The following IMPG1 variants were observed in gnomAD, a reference collection of about 807,000 sequenced individuals.
IMPG1 encodes the protein interphotoreceptor matrix proteoglycan 1.
Under a neutral mutation model 92.0 loss-of-function variants are expected in IMPG1, and 85 were observed. That is an observed-to-expected ratio of 0.92 (90% confidence interval 0.78 to 1.11). The LOEUF is 1.11. Ranked by LOEUF, IMPG1 falls within the 50% of genes least tolerant of loss-of-function variation. The pLI is 0.00. For synonymous variants in IMPG1, 367 were observed against 334.1 expected, an observed-to-expected ratio of 1.10 and a Z score of -1.08; for missense variants, 1,022 against 956.0, an observed-to-expected ratio of 1.07 and a Z score of -0.91.
intron 14 of IMPG1, among the ~76,000 whole-genome samples, chr6:75,940,437 G>A (rs758468588): frequency 1.3e-5 from 2 of 151,914 alleles, no homozygotes; most frequent in African/African-American, 2.4e-5. Context: ...ATTAATATAC[G>A]CACCACCCTT....
At position 75,934,315 on chromosome 6, in the gene IMPG1, C is replaced by A. The variant is rs540895013; in HGVS notation, c.2045-3164G>T. Among the ~76,000 whole-genome samples the A allele has an allele frequency of 3.5e-4, 53 of 152,318 alleles. No homozygotes were observed. In the South Asian group the frequency reaches 0.011, roughly 31 times the overall value. Reference sequence around the variant, plus strand: ...TTAAATGTGACAGCAATGAACATGTCTTGAAATAAGTGAGCTGCCATGTAG... The same window carrying A: ...TTAAATGTGACAGCAATGAACATGTATTGAAATAAGTGAGCTGCCATGTAG... On this transcript the variant is annotated intron_variant, in intron 14 of 16. Transcript: ENST00000369950.
intron 7 of IMPG1, 78 bp from the exon 8 acceptor site, chr6:76,011,302 CT>C (rs1318469528): frequency 2.2e-5 from 16 of 714,060 alleles, no homozygotes; most frequent in Non-Finnish European, 3.5e-5. Context: ...AACCTGAACA[CT>C]TTTGATGAGT....
Position 76,050,994 on chromosome 6 carries a change from C to T in IMPG1, c.68-8868G>A, listed in dbSNP as rs75451980. 8.7e-3 allele frequency among the ~76,000 whole-genome samples: 1,328 copies of T among 152,098 alleles called. 21 individuals carry two copies. Among genetic ancestry groups the T allele is most frequent in the African/African-American group, 0.03 (1,243 of 41,500 alleles). On this transcript the variant is annotated intron_variant, in intron 1 of 16. Coordinates refer to ENST00000369950, the MANE Select transcript of IMPG1 (RefSeq NM_001563.4). ...CAATGTCTTAATGAATAAATTAGCA[C>T]GACCAGAGACAAAATTCACTGTAAT...
At chr6:76,033,787 A>G (rs755566619) in intron 4 of IMPG1, among the ~76,000 whole-genome samples, 1 of 152,206 alleles carries the variant, frequency 6.6e-6, no homozygotes, top group Non-Finnish European at 1.5e-5. Context: ...TTAATCATTT[A>G]ATCTAATGAA....
At position 76,042,103 on chromosome 6, in the gene IMPG1, A is replaced by G. The variant is rs1056715458; in HGVS notation, c.91T>C (p.Ser31Pro). The G allele has an allele frequency of 3.2e-6, 5 of 1,580,408 alleles. No homozygotes were observed. The highest frequency in any genetic ancestry group is 4.4e-6 in the Non-Finnish European group (5 of 1,149,272). Residue 31 changes from serine (S) to proline (P), a missense_variant, in exon 2 of 17, where the codon TCT becomes CCT. This residue lies in a region of IMPG1 where 681 missense variants were observed against 583.6 expected (regional missense o/e 1.17). Coordinates refer to ENST00000369950, the MANE Select transcript of IMPG1 (RefSeq NM_001563.4). ...GGATTGTCTATGTCTTTAGTTTCAG[A>G]ATGGTATATGTTAATGGAGATATCT... ...TKDISINIYH[S>P]ETKDIDNPPR...
chr6:76,013,217 A>G (rs1009823625), intron 7 of IMPG1, among the ~76,000 whole-genome samples: 23 of 152,076 alleles, frequency 1.5e-4, no homozygotes, highest in African/African-American at 5.6e-4. Flanking sequence ...CCCATTGAAC[A>G]AGATCCAACT....
chr6:75,983,166 T>C lies in IMPG1; in HGVS notation c.1291+19752A>G, dbSNP rs544881748. Reference sequence around the variant, plus strand: ...ATAGATTTGGGTGCACAAGGAGATATATCCCTGGTGCACCCAAATCTATCA... The same window carrying C: ...ATAGATTTGGGTGCACAAGGAGATACATCCCTGGTGCACCCAAATCTATCA... On this transcript the variant is annotated intron_variant, in intron 12 of 16. Transcript: ENST00000369950. 9.9e-5 allele frequency among the ~76,000 whole-genome samples: 15 copies of C among 151,662 alleles called. 1 individual carries two copies. Among genetic ancestry groups the C allele is most frequent in the African/African-American group, 3.4e-4 (14 of 41,412 alleles).
chr6:75,922,072 T>G lies in IMPG1; in HGVS notation c.*17A>C. On this transcript the variant is annotated 3_prime_UTR_variant, in exon 17 of 17. Coordinates refer to ENST00000369950, the MANE Select transcript of IMPG1 (RefSeq NM_001563.4). ...TCTCTTGAGATAGCCTAAATGATAA[T>G]TGTACATTTTCAGTTTTTAATTTCC... is the stretch of plus-strand genomic sequence containing the variant. 9.2e-7 allele frequency: 1 copy of G among 1,081,596 alleles called. No individual in the cohort carries two copies. The allele number at this position is 1,081,596 out of a possible 1,614,324, so 67.0% of individuals were successfully genotyped here.
At chr6:75,924,223 G>A (rs540099439) in intron 15 of IMPG1, among the ~76,000 whole-genome samples, 97 of 150,110 alleles carry the variant, frequency 6.5e-4, no homozygotes, top group Non-Finnish European at 1.1e-3. Flanking sequence ...CCATATGATC[G>A]AGCAATCCCA....
intron 15 of IMPG1, among the ~76,000 whole-genome samples, chr6:75,930,505 G>A (rs539829708): frequency 3.3e-5 from 5 of 152,054 alleles, no homozygotes; most frequent in Admixed American, 2.0e-4. Context: ...TTTTTTTCTC[G>A]TAATTTTCTA....
chr6:76,049,966 C>G (rs897417499), intron 1 of IMPG1, among the ~76,000 whole-genome samples: 4 of 152,024 alleles, frequency 2.6e-5, no homozygotes, highest in Admixed American at 6.6e-5. Context: ...ATTCTGCAAC[C>G]CAGTGTAACT....
chr6:76,049,934 C>T (rs1028264648), intron 1 of IMPG1, among the ~76,000 whole-genome samples: 1 of 152,160 alleles, frequency 6.6e-6, no homozygotes. Context: ...AATTTAGCCA[C>T]TCTATCCTGG....
intron 15 of IMPG1, 24 bp from the exon 16 acceptor site, chr6:75,923,730 G>C: frequency 6.9e-7 from 1 of 1,452,988 alleles, no homozygotes; most frequent in Non-Finnish European, 9.6e-7. Flanking sequence ...CAAAAACATA[G>C]TATCTTGTTT....
chr6:76,049,997 C>T lies in IMPG1; in HGVS notation c.68-7871G>A, dbSNP rs577954478. Among the ~76,000 whole-genome samples, 13 of 152,078 alleles carry T rather than the reference C, an allele frequency of 8.5e-5. No homozygotes were observed. The South Asian group carries it at 2.5e-3, about 29-fold the overall frequency. On this transcript the variant is annotated intron_variant, in intron 1 of 16. Coordinates refer to ENST00000369950, the MANE Select transcript of IMPG1 (RefSeq NM_001563.4). The stretch of plus-strand genomic sequence containing the variant: ...TAACTATGATAATTTTGGAAATTTC[C>T]GAATATATAGACAGGGAAATTAAAG...
At chr6:75,977,596 A>C (rs967040778) in intron 12 of IMPG1, among the ~76,000 whole-genome samples, 10 of 151,870 alleles carry the variant, frequency 6.6e-5, no homozygotes, top group South Asian at 2.1e-4. Flanking sequence ...TCAAAAAAAA[A>C]AAAAACAAAA....
chr6:76,059,700 C>T (rs891681632), intron 1 of IMPG1, among the ~76,000 whole-genome samples: 2 of 152,172 alleles, frequency 1.3e-5, no homozygotes, highest in African/African-American at 4.8e-5. Flanking sequence ...AACCCTCTCA[C>T]CTCAAATGAT....
intron 7 of IMPG1, among the ~76,000 whole-genome samples, chr6:76,011,854 C>T (rs1009491845): frequency 2.7e-5 from 4 of 149,822 alleles, no homozygotes; most frequent in East Asian, 2.0e-4. Context: ...TTTGTTCTTG[C>T]GATAGTTTAC....
chr6:75,984,880 G>A (rs1443305805), intron 12 of IMPG1, among the ~76,000 whole-genome samples: 1 of 152,106 alleles, frequency 6.6e-6, no homozygotes, highest in Non-Finnish European at 1.5e-5. Flanking sequence ...CATGTGACAT[G>A]CTTGCTCCCA....
At chr6:75,946,397 A>G (rs978133279) in intron 14 of IMPG1, among the ~76,000 whole-genome samples, 2 of 152,130 alleles carry the variant, frequency 1.3e-5, no homozygotes, top group African/African-American at 4.8e-5. Flanking sequence ...ACAGAGAGCC[A>G]GAGAGGGTGT....
Sources: allele counts gnomAD v4.1 joint callset (sites outside exome capture counted in the v4.1 genomes callset), GRCh38; gene constraint gnomAD v4.1.1; regional missense constraint gnomAD v4.1.1; transcripts MANE v1.5; gene names NCBI Gene and HGNC (gene_info 2026-07-23, HGNC 2026-07-21).